HNRNPU: variants seen among roughly 807,000 people sequenced by gnomAD.
HNRNPU encodes the protein HNRNPU antisense RNA 1.
HNRNPU carries 5 observed loss-of-function variants against 94.7 expected under a neutral mutation model. The observed-to-expected ratio is 0.05, with a 90% confidence interval of 0.03 to 0.11. The LOEUF is 0.11. Ranked by LOEUF, HNRNPU falls within the 10% of genes least tolerant of loss-of-function variation. The probability of loss-of-function intolerance (pLI) is 1.00; values close to 1 mark genes in which losing one functional copy is unlikely to be tolerated. For missense variants in HNRNPU, 710 were observed against 1,049.2 expected (o/e 0.68, Z 4.47); for synonymous variants, 434 against 381.6 (o/e 1.14, Z -1.60).
intron 1 of HNRNPU, 104 bp from the exon 2 acceptor site, chr1:244,862,834 T>G (rs1484751607): frequency 3.7e-6 from 3 of 803,060 alleles, no homozygotes; most frequent in East Asian, 4.8e-5. Context: ...GCTTTTTAAC[T>G]GAGGTTTTAA....
chr1:244,857,068 C>G lies in HNRNPU; in HGVS notation c.1615-212G>C, dbSNP rs113385828. On this transcript the variant is annotated intron_variant, in intron 8 of 13. Transcript: ENST00000640218. ...CTTTTTAGCTGCTAGATGTTAAGAG[C>G]TCAAAAACACTACGGAAAAAAACAG... 33 of 416,804 alleles carry G rather than the reference C, an allele frequency of 7.9e-5. 2 individuals are homozygous for G. The highest frequency in any genetic ancestry group is 5.0e-4 in the African/African-American group (24 of 48,300). The allele number at this position is 416,804 out of a possible 1,614,324, so 25.8% of individuals were successfully genotyped here.
chr1:244,861,742 CAAAAAAAAAAA>C (rs57665611), intron 3 of HNRNPU: 6 of 117,502 alleles, frequency 5.1e-5, no homozygotes, highest in Non-Finnish European at 9.0e-5. Context: ...TTTTTTGTAA[CAAAAAAAAAAA>C]AAAAAAAAAC....
chr1:244,855,276 C>T (rs1051394552), intron 12 of HNRNPU, 148 bp downstream of exon 12: 10 of 822,492 alleles, frequency 1.2e-5, no homozygotes, highest in Non-Finnish European at 1.6e-5. Flanking sequence ...AGTAAGTAGA[C>T]TCATTTCACC....
Position 244,858,632 on chromosome 1 carries a change from C to T in HNRNPU, c.1230+97G>A, listed in dbSNP as rs2102987019. ...ATCCAGGGACTGGTGTATTTTGTTG[C>T]TCATATTGAAAACTGACCTCAGTAA... On this transcript the variant is annotated intron_variant, in intron 6 of 13. Transcript: ENST00000640218. 3 of 698,414 alleles carry T rather than the reference C, an allele frequency of 4.3e-6. No individual in the cohort carries two copies. In the East Asian group the frequency reaches 8.1e-5, roughly 19 times the overall value. 43.3% of individuals were successfully genotyped at this position (698,414 alleles called of 1,614,324 possible).
In HNRNPU at chr1:244,860,472, T is replaced by C. The variant is rs1680796779; in HGVS notation, c.880A>G (p.Asn294Asp). Residue 294 changes from asparagine to aspartate, a missense_variant and splice_region_variant, in exon 4 of 14, where the codon AAT becomes GAT. Physicochemically the swap from Asn to Asp is conservative, Grantham distance 23. This residue lies in a region of HNRNPU where 31 missense variants were observed against 86.8 expected (regional missense o/e 0.36). Transcript: ENST00000640218. The stretch of plus-strand genomic sequence containing the variant: ...GATATTTTAAAATGTAGATCACAAT[T>C]ATCTGTAATTATATCAAATACTGTG... Reference protein sequence around the residue: ...DDTVVCLDTYNCDLHFKISRD... With the variant: ...DDTVVCLDTYDCDLHFKISRD... The C allele has an allele frequency of 6.3e-7, 1 of 1,584,404 alleles. No homozygotes were observed. The highest frequency in any genetic ancestry group is 1.3e-5 in the African/African-American group (1 of 74,294).
intron 5 of HNRNPU, 126 bp from the exon 6 acceptor site, chr1:244,858,967 T>C (rs1573332662): frequency 1.6e-6 from 1 of 608,738 alleles, no homozygotes; most frequent in Non-Finnish European, 2.9e-6. Flanking sequence ...TCACTGACAC[T>C]ATTACTTTTC....
At chr1:244,858,699 T>C (rs1422144109) in intron 6 of HNRNPU, 30 bp downstream of exon 6, 1 of 1,233,308 alleles carries the variant, frequency 8.1e-7, no homozygotes, top group Non-Finnish European at 1.2e-6. Flanking sequence ...AACTTTGCCA[T>C]TTATACATAG....
chr1:244,858,309 T>G, intron 6 of HNRNPU, 35 bp from the exon 7 acceptor site: 1 of 1,588,152 alleles, frequency 6.3e-7, no homozygotes, highest in Non-Finnish European at 8.6e-7. Flanking sequence ...AGTTAAAATC[T>G]GCTTCCTTAA....
chr1:244,863,553 C>G, intron 1 of HNRNPU, 64 bp downstream of exon 1: 1 of 1,309,090 alleles, frequency 7.6e-7, no homozygotes, highest in Non-Finnish European at 9.6e-7. Flanking sequence ...TCCGGCAGGC[C>G]TGGGGCACGG....
chr1:244,858,569 T>C, intron 6 of HNRNPU, 160 bp downstream of exon 6: 1 of 619,964 alleles, frequency 1.6e-6, no homozygotes, highest in Non-Finnish European at 2.9e-6. Context: ...ATGTCCTGTG[T>C]TTTCCCAATT....
At chr1:244,854,594 A>G (rs941615720) in intron 13 of HNRNPU, 91 bp from the exon 14 acceptor site, 6 of 883,686 alleles carry the variant, frequency 6.8e-6, no homozygotes, top group African/African-American at 5.0e-5. Flanking sequence ...ATTCAGAGTA[A>G]TTTGCTGGAA....
chr1:244,857,513 C>A, intron 8 of HNRNPU, 85 bp downstream of exon 8: 1 of 1,372,400 alleles, frequency 7.3e-7, no homozygotes. Flanking sequence ...TCTCAAAATG[C>A]TGAGATTACA....
At position 244,855,535 on chromosome 1, in the gene HNRNPU, ACCACTTCCT is replaced by A. The variant is rs1278935326; in HGVS notation, c.2232_2240del (p.Ser746_Gly748del). The stretch of plus-strand genomic sequence containing the variant: ...CACGAGGGTATGGATAGCCGATTCC[ACCACTTCCT>A]CCACCGCCACCACCTCTCTGTGGCA... On this transcript the variant is annotated inframe_deletion, in exon 12 of 14. Coordinates refer to ENST00000640218, the MANE Select transcript of HNRNPU (RefSeq NM_031844.3). The A allele has an allele frequency of 6.2e-7, 1 of 1,613,980 alleles. No homozygotes were observed. The highest frequency in any genetic ancestry group is 8.5e-7 in the Non-Finnish European group (1 of 1,179,920).
rs1014509764 is a variant in HNRNPU at position 244,864,303 on chromosome 1, C to G, written c.5G>C (p.Ser2Thr). 6.2e-7 allele frequency: 1 copy of G among 1,612,758 alleles called. No homozygotes were observed. The highest frequency in any genetic ancestry group is 8.5e-7 in the Non-Finnish European group (1 of 1,179,728). The change falls in exon 1 of 14, where the codon AGT (serine) becomes ACT (threonine). Residue 2 changes from serine (S) to threonine (T), a missense_variant. By Grantham distance (58) the Ser-to-Thr change is moderately conservative. Around this residue, in one of 8 missense-constraint regions of HNRNPU, gnomAD observed 19 missense variants for 47.7 expected, o/e 0.40. Coordinates refer to ENST00000640218, the MANE Select transcript of HNRNPU (RefSeq NM_031844.3). ...CTTTTTTACATTAACAGGCGAGGAA[C>G]TCATGGTGAGGGCCCCGATTCACCG... M[S>T]SSPVNVKKLK...
intron 3 of HNRNPU, 172 bp downstream of exon 3, chr1:244,862,289 G>A: frequency 1.7e-6 from 1 of 576,390 alleles, no homozygotes; most frequent in Non-Finnish European, 3.0e-6. Flanking sequence ...TAATACAACT[G>A]ATGACGTGCT....
chr1:244,854,942 A>G (rs374739513), intron 13 of HNRNPU, 31 bp downstream of exon 13: 9 of 1,494,546 alleles, frequency 6.0e-6, no homozygotes, highest in Non-Finnish European at 7.5e-6. Flanking sequence ...AATACAATTA[A>G]TGTACATAAA....
chr1:244,859,547 T>C (rs559156409), intron 4 of HNRNPU, 173 bp from the exon 5 acceptor site: 2 of 431,108 alleles, frequency 4.6e-6, no homozygotes, highest in Admixed American at 8.0e-5. Context: ...TGCTTATAAC[T>C]TGAAATTTAA....
intron 4 of HNRNPU, 42 bp downstream of exon 4, chr1:244,860,293 T>G (rs1275957873): frequency 1.9e-6 from 3 of 1,574,514 alleles, no homozygotes. Flanking sequence ...AGAGTGAGAC[T>G]GTCTCCACAA....
chr1:244,862,592 G>A (rs2102989439), intron 2 of HNRNPU, 27 bp downstream of exon 2: 1 of 1,603,760 alleles, frequency 6.2e-7, no homozygotes, highest in Non-Finnish European at 8.5e-7. Flanking sequence ...AATAAGGGAT[G>A]AGTAAAACTA....
Sources: allele counts gnomAD v4.1 joint callset, GRCh38; gene constraint gnomAD v4.1.1; regional missense constraint gnomAD v4.1.1; transcripts MANE v1.5; gene names NCBI Gene and HGNC (gene_info 2026-07-23, HGNC 2026-07-21).